Variants in FAM217B observed in about 807,000 individuals in gnomAD.
FAM217B encodes the protein protein FAM217B.
For missense variants in FAM217B, 463 were observed against 456.9 expected, an observed-to-expected ratio of 1.01 and a Z score of -0.12; for synonymous variants, 163 against 173.0, an observed-to-expected ratio of 0.94 and a Z score of 0.45.
In FAM217B at chr20:59,944,349, A is replaced by T; in HGVS notation, c.406A>T (p.Thr136Ser). Residue 136 changes from threonine to serine, a missense_variant, in exon 4 of 4, where the codon ACA becomes TCA. Thr to Ser is a moderately conservative substitution (Grantham distance 58). Transcript: ENST00000360816. Reference protein sequence around the residue: ...YFDLHPGQGHTKPEYYYPNFL... With the variant: ...YFDLHPGQGHSKPEYYYPNFL... Reference sequence around the variant, plus strand: ...TGATCTTCACCCTGGTCAGGGCCATACAAAACCTGAATACTATTATCCTAA... The same window carrying T: ...TGATCTTCACCCTGGTCAGGGCCATTCAAAACCTGAATACTATTATCCTAA... The T allele has an allele frequency of 6.2e-7, 1 of 1,614,058 alleles. No individual in the cohort carries two copies.
chr20:59,941,550 T>C (rs1205213981), intron 1 of FAM217B, among the ~76,000 whole-genome samples: 1 of 152,168 alleles, frequency 6.6e-6, no homozygotes, highest in Non-Finnish European at 1.5e-5. Context: ...GCACTTTTAA[T>C]AGGCCACTCA....
upstream of FAM217B, chr20:59,939,170 G>C (rs1601040564): frequency 6.2e-7 from 1 of 1,610,282 alleles, no homozygotes; most frequent in Non-Finnish European, 8.5e-7. Context: ...GCACCGCGAA[G>C]TGCACGCGGG....
At position 59,946,794 on chromosome 20, in the gene FAM217B, A is replaced by G. The variant is rs1394478524; in HGVS notation, c.*1699A>G. On this transcript the variant is annotated 3_prime_UTR_variant, in exon 4 of 4. Transcript: ENST00000360816. ...TATTACTTCCGTAGTCCTCAAATTT[A>G]CTATAACTTTTGTACTTAGTATATG... 6.0e-6 allele frequency: 1 copy of G among 167,062 alleles called. No individual in the cohort carries two copies. Among genetic ancestry groups the G allele is most frequent in the Non-Finnish European group, 1.5e-5 (1 of 68,112 alleles). 10.3% of individuals were successfully genotyped at this position (167,062 alleles called of 1,614,324 possible). A position where few individuals can be genotyped will look rare whatever the true frequency, so the allele number is the denominator to read the frequency against.
upstream of FAM217B, chr20:59,937,666 G>GTTTTT (rs544890202): frequency 7.0e-6 from 1 of 143,296 alleles, no homozygotes; most frequent in Non-Finnish European, 1.5e-5. Context: ...CTTCCTGGCT[G>GTTTTT]TTTTTTTTTT....
rs933458080 is a variant in FAM217B, at chr20:59,946,541, ATG to A, written c.*1449_*1450del. On this transcript the variant is annotated 3_prime_UTR_variant, in exon 4 of 4. Coordinates refer to ENST00000360816, the MANE Select transcript of FAM217B (RefSeq NM_022106.3). Reference sequence around the variant, plus strand: ...TATACGTATATAATTATAAAAAACAATGTGCAAGGGTTATATTTTAAGGTCTT... The same window carrying A: ...TATACGTATATAATTATAAAAAACAATGCAAGGGTTATATTTTAAGGTCTT... The A allele has an allele frequency of 2.4e-5, 4 of 167,084 alleles. No homozygotes were observed. Among genetic ancestry groups the A allele is most frequent in the African/African-American group, 7.2e-5 (3 of 41,452 alleles). The allele number at this position is 167,084 out of a possible 1,614,324, so 10.4% of individuals were successfully genotyped here.
At chr20:59,939,766 C>A, upstream of FAM217B, 1 of 1,222,392 alleles carries the variant, frequency 8.2e-7, no homozygotes, top group Non-Finnish European at 1.0e-6. Context: ...CCCGACGGCG[C>A]TGGCGTTGGC....
intron 1 of FAM217B, among the ~76,000 whole-genome samples, chr20:59,934,022 G>A (rs1263270606): frequency 6.6e-6 from 1 of 152,122 alleles, no homozygotes; most frequent in Non-Finnish European, 1.5e-5. Context: ...GGACGGAAGC[G>A]CGGGCGGGAC....
Position 59,945,079 on chromosome 20 carries a change from C to A in FAM217B, c.1136C>A (p.Thr379Lys). 6.3e-7 allele frequency: 1 copy of A among 1,588,108 alleles called. No homozygotes were observed. Among genetic ancestry groups the A allele is most frequent in the Non-Finnish European group, 8.5e-7 (1 of 1,170,788 alleles). The change falls in exon 4 of 4, where the codon ACA (threonine) becomes AAA (lysine). Residue 379 changes from threonine to lysine, a missense_variant. Transcript: ENST00000360816. ...KLKTNGVKQN[T>K]YKLK ...AAAACAAACGGAGTAAAGCAAAACA[C>A]ATATAAACTAAAATAAATATCTAAA... is the stretch of plus-strand genomic sequence containing the variant.
At chr20:59,941,078 C>T (rs1336747608) in intron 1 of FAM217B, among the ~76,000 whole-genome samples, 2 of 152,204 alleles carry the variant, frequency 1.3e-5, no homozygotes, top group Non-Finnish European at 2.9e-5. Context: ...TTGTTTTCTG[C>T]CTATTTAGAA....
upstream of FAM217B, chr20:59,939,562 C>A (rs749325340): frequency 6.2e-7 from 1 of 1,611,330 alleles, no homozygotes; most frequent in South Asian, 1.1e-5. Flanking sequence ...ACGGACGGGT[C>A]GTCTCCCGCG....
intron 1 of FAM217B, among the ~76,000 whole-genome samples, chr20:59,941,796 A>G (rs2060906992): frequency 6.6e-6 from 1 of 152,226 alleles, no homozygotes; most frequent in Non-Finnish European, 1.5e-5. Context: ...TTGTTGCATG[A>G]ATGAATGATT....
upstream of FAM217B, chr20:59,939,013 T>C: frequency 6.7e-7 from 1 of 1,492,822 alleles, no homozygotes; most frequent in Non-Finnish European, 8.9e-7. Flanking sequence ...AGGCTCCAGG[T>C]GGCCGGTCCC....
At chr20:59,937,824 CATAAAAGAATT>C (rs2060871539), upstream of FAM217B, 4 of 152,446 alleles carry the variant, frequency 2.6e-5, no homozygotes, top group African/African-American at 9.7e-5. Flanking sequence ...GGTTTAAAAA[CATAAAAGAATT>C]TTATATTTTA....
intron 1 of FAM217B, chr20:59,933,857 A>G (rs1340538775): frequency 6.8e-6 from 1 of 146,660 alleles, no homozygotes. Context: ...CCCTCAGGTT[A>G]GTGGGTCCCC....
In FAM217B at chr20:59,947,396, C is replaced by G. The variant is rs962532618; in HGVS notation, c.*2301C>G. On this transcript the variant is annotated 3_prime_UTR_variant, in exon 4 of 4. Transcript: ENST00000360816. ...TGGTGCATGCCTGTAATCCCAGCTA[C>G]TCGGAAGTTTGAGACGAGAATCTCT... The G allele has an allele frequency of 6.5e-6, 1 of 153,814 alleles. No individual in the cohort carries two copies. The highest frequency in any genetic ancestry group is 1.5e-5 in the Non-Finnish European group (1 of 68,244). 9.5% of individuals were successfully genotyped at this position (153,814 alleles called of 1,614,324 possible). A position where few individuals can be genotyped will look rare whatever the true frequency, so the allele number is the denominator to read the frequency against.
chr20:59,934,870 A>G (rs1050330412), intron 1 of FAM217B, among the ~76,000 whole-genome samples: 4 of 152,260 alleles, frequency 2.6e-5, no homozygotes, highest in Non-Finnish European at 4.4e-5. Context: ...ATCAAATCAC[A>G]GTAAATAAGC....
chr20:59,934,331 C>T (rs1475662941), intron 1 of FAM217B, among the ~76,000 whole-genome samples: 1 of 152,224 alleles, frequency 6.6e-6, no homozygotes, highest in Non-Finnish European at 1.5e-5. Flanking sequence ...ATGCAGCCAG[C>T]GGGTGCTTGT....
In FAM217B at chr20:59,945,532, C is replaced by T. The variant is rs899860914; in HGVS notation, c.*437C>T. ...AATCCTAAATGTTTAAAATAAGGTC[C>T]TTCTTGCCCACTCCCTCGCTTACTT... On this transcript the variant is annotated 3_prime_UTR_variant, in exon 4 of 4. Transcript: ENST00000360816. 1.2e-5 allele frequency: 2 copies of T among 168,784 alleles called. No individual in the cohort carries two copies. Among genetic ancestry groups the T allele is most frequent in the Admixed American group, 6.4e-5 (1 of 15,596 alleles). 10.5% of individuals were successfully genotyped at this position (168,784 alleles called of 1,614,324 possible). A position where few individuals can be genotyped will look rare whatever the true frequency, so the allele number is the denominator to read the frequency against.
chr20:59,939,362 G>T (rs754465409), upstream of FAM217B: 4 of 1,610,572 alleles, frequency 2.5e-6, no homozygotes. Context: ...GCACCGTACC[G>T]CTGATGCCAA....
Sources: gnomAD v4.1 joint callset for allele counts (sites outside exome capture counted in the v4.1 genomes callset) on GRCh38, gnomAD v4.1.1 for gene constraint, MANE v1.5 for transcripts, NCBI Gene and HGNC (gene_info 2026-07-23, HGNC 2026-07-21) for gene names.